The following PCDHA11 variants were observed in gnomAD, a reference collection of about 807,000 sequenced individuals.
PCDHA11 encodes protocadherin alpha-11.
A neutral mutation model predicts 70.3 loss-of-function variants in PCDHA11; 61 were observed. The observed-to-expected ratio is 0.87, with a 90% CI of 0.71 to 1.07. PCDHA11 has a LOEUF of 1.07. PCDHA11 is among the 50% of genes least tolerant of loss of function. PCDHA11 has a pLI of 0.00. For synonymous variants in PCDHA11, 633 were observed against 555.1 expected, an observed-to-expected ratio of 1.14 and a Z score of -1.97; for missense variants, 1,324 against 1,237.5, an observed-to-expected ratio of 1.07 and a Z score of -1.05.
At chr5:140,884,054 G>A (rs1313975286) in intron 1 of PCDHA11, 1 of 1,613,390 alleles carries the variant, frequency 6.2e-7, no homozygotes, top group Non-Finnish European at 8.5e-7. Flanking sequence ...GAAGGTGCGC[G>A]CGGTGGACGC....
chr5:140,916,582 A>G (rs1191941149), intron 1 of PCDHA11, among the ~76,000 whole-genome samples: 7 of 152,188 alleles, frequency 4.6e-5, no homozygotes, highest in Non-Finnish European at 1.0e-4. Flanking sequence ...AATGTCATCC[A>G]TGAGCTAGGG....
At chr5:140,973,800 C>A (rs1554235613) in intron 1 of PCDHA11, among the ~76,000 whole-genome samples, 1 of 152,236 alleles carries the variant, frequency 6.6e-6, no homozygotes, top group Non-Finnish European at 1.5e-5. Context: ...ATGCTGTCTA[C>A]TTGACAGAAT....
intron 3 of PCDHA11, among the ~76,000 whole-genome samples, chr5:140,997,511 G>T (rs565737825): frequency 6.6e-6 from 1 of 151,992 alleles, no homozygotes; most frequent in Non-Finnish European, 1.5e-5. Flanking sequence ...ATACCTAAAC[G>T]CAGAAAAAGT....
intron 1 of PCDHA11, among the ~76,000 whole-genome samples, chr5:140,897,495 A>G (rs1208374175): frequency 1.2e-4 from 19 of 152,006 alleles, no homozygotes; most frequent in Admixed American, 9.8e-4. Flanking sequence ...AATTTCAACC[A>G]TGTCCCTACA....
rs782527785 is a variant in PCDHA11, at chr5:140,882,593, A to C, written c.2391+11099A>C. 1.9e-6 allele frequency: 3 copies of C among 1,614,126 alleles called. No homozygotes were observed. In the African/African-American group the frequency reaches 4.0e-5, roughly 22 times the overall value. On this transcript the variant is annotated intron_variant, in intron 1 of 3. Coordinates refer to ENST00000398640, the MANE Select transcript of PCDHA11 (RefSeq NM_018902.5). ...GGAGTGCAGCATCCACCTGGAGGTG[A>C]TCGTGGACAGGCCTCTGCAGGTTTT...
intron 1 of PCDHA11, chr5:140,969,487 T>C: frequency 6.8e-7 from 1 of 1,460,090 alleles, no homozygotes; most frequent in Non-Finnish European, 9.1e-7. Flanking sequence ...TAATCTGCTA[T>C]TTCCTCTCTA....
chr5:140,934,152 T>C (rs2089672287), intron 1 of PCDHA11, among the ~76,000 whole-genome samples: 1 of 152,190 alleles, frequency 6.6e-6, no homozygotes. Context: ...TATATGTTTA[T>C]ATTTCAGTGT....
intron 1 of PCDHA11, chr5:140,884,324 G>T (rs782624216): frequency 1.2e-6 from 2 of 1,613,840 alleles, no homozygotes; most frequent in Non-Finnish European, 1.7e-6. Context: ...GTCGGCAGGC[G>T]CTGTGGGTCC....
chr5:140,980,395 G>T (rs182782153), intron 2 of PCDHA11, among the ~76,000 whole-genome samples: 4 of 152,316 alleles, frequency 2.6e-5, no homozygotes, highest in Non-Finnish European at 5.9e-5. Context: ...ACTTTGGGAG[G>T]CCGAGGTGGG....
intron 1 of PCDHA11, among the ~76,000 whole-genome samples, chr5:140,947,316 G>A (rs1325852826): frequency 2.6e-5 from 4 of 151,352 alleles, no homozygotes; most frequent in East Asian, 1.9e-4. Context: ...GTAAAAAGTC[G>A]GTTGACCATA....
rs2051764636 is a variant in PCDHA11, at chr5:140,870,212, T to C, written c.1109T>C (p.Leu370Pro). 1 of 1,614,076 alleles carries C rather than the reference T, an allele frequency of 6.2e-7. No individual in the cohort carries two copies. The highest frequency in any genetic ancestry group is 8.5e-7 in the Non-Finnish European group (1 of 1,180,048). The change falls in exon 1 of 4, where the codon CTG becomes CCG. Residue 370 changes from leucine (L) to proline (P), a missense_variant. Physicochemically the swap from Leu to Pro is moderately conservative, Grantham distance 98 (BLOSUM62 -3). Coordinates refer to ENST00000398640, the MANE Select transcript of PCDHA11 (RefSeq NM_018902.5). ...EDAQPSTVIA[L>P]ISVSDRDSGV... ...GCTCAGCCCAGCACGGTCATTGCCC[T>C]GATCAGCGTGTCTGACCGTGACTCA...
At chr5:140,941,214 C>CTTCCTTTCTTTCTTTCTTTCTTT (rs1554214039) in intron 1 of PCDHA11, among the ~76,000 whole-genome samples, 1 of 122,414 alleles carries the variant, frequency 8.2e-6, no homozygotes. Flanking sequence ...TTTCTTTCTT[C>CTTCCTTTCTTTCTTTCTTTCTTT]CTTTCTTTCT....
At chr5:140,875,438 T>C (rs1554167643) in intron 1 of PCDHA11, 1 of 1,568,134 alleles carries the variant, frequency 6.4e-7, no homozygotes, top group Non-Finnish European at 8.6e-7. Flanking sequence ...CCCTTAAAAC[T>C]GATTGTCCCA....
chr5:140,870,508 C>T lies in PCDHA11; in HGVS notation c.1405C>T (p.Pro469Ser). 6.2e-7 allele frequency: 1 copy of T among 1,614,244 alleles called. No individual in the cohort carries two copies. Among genetic ancestry groups the T allele is most frequent in the Non-Finnish European group, 8.5e-7 (1 of 1,180,052 alleles). Residue 469 changes from proline (P) to serine (S), a missense_variant, in exon 1 of 4, where the codon CCA becomes TCA. Transcript: ENST00000398640. ...CGTGTTCGTGAAGGAGAACAACCCA[C>T]CAGGCTGCCACATCTTCACAGTGTC... is the stretch of plus-strand genomic sequence containing the variant. ...YTVFVKENNP[P>S]GCHIFTVSAR...
intron 1 of PCDHA11, among the ~76,000 whole-genome samples, chr5:140,950,482 T>C (rs1384931498): frequency 6.6e-6 from 1 of 152,106 alleles, no homozygotes; most frequent in African/African-American, 2.4e-5. Flanking sequence ...TGATGAGAAG[T>C]GTGTAGTCAT....
At chr5:140,933,446 C>T (rs543444309) in intron 1 of PCDHA11, among the ~76,000 whole-genome samples, 1 of 151,990 alleles carries the variant, frequency 6.6e-6, no homozygotes, top group Non-Finnish European at 1.5e-5. Flanking sequence ...AATGACATAC[C>T]TTCAAAATAT....
chr5:140,879,816 G>C (rs1232945342), intron 1 of PCDHA11, among the ~76,000 whole-genome samples: 9 of 152,196 alleles, frequency 5.9e-5, no homozygotes, highest in African/African-American at 2.2e-4. Flanking sequence ...TTGGCTGTTG[G>C]TGTTCCCTGG....
chr5:140,917,937 T>C (rs2078442259), intron 1 of PCDHA11, among the ~76,000 whole-genome samples: 1 of 152,186 alleles, frequency 6.6e-6, no homozygotes, highest in Non-Finnish European at 1.5e-5. Flanking sequence ...AAAAATAATA[T>C]TGGTAGTTTG....
Position 141,009,957 on chromosome 5 carries a change from G to T in PCDHA11, c.*20G>T. ...CAGTGAGGTCCTCAAATGGAAACAA[G>T]CCACTTAGCCAGTTTTTGTAATAAT... On this transcript the variant is annotated 3_prime_UTR_variant, in exon 4 of 4. Coordinates refer to ENST00000398640, the MANE Select transcript of PCDHA11 (RefSeq NM_018902.5). 1 of 1,589,160 alleles carries T rather than the reference G, an allele frequency of 6.3e-7. No homozygotes were observed. Among genetic ancestry groups the T allele is most frequent in the Non-Finnish European group, 8.5e-7 (1 of 1,171,102 alleles).
Sources: gnomAD v4.1 joint callset for allele counts (sites outside exome capture counted in the v4.1 genomes callset) on GRCh38, gnomAD v4.1.1 for gene constraint, MANE v1.5 for transcripts, NCBI Gene and HGNC (gene_info 2026-07-23, HGNC 2026-07-21) for gene names.